Variants in MOG observed in about 807,000 individuals in gnomAD.
MOG encodes myelin-oligodendrocyte glycoprotein.
A neutral mutation model predicts 35.9 loss-of-function variants in MOG; 20 were observed. That is an observed-to-expected ratio of 0.56 (90% CI 0.39 to 0.81). The LOEUF (loss-of-function observed/expected upper bound fraction) is 0.81, where lower values mean the gene tolerates loss of function less well. Ranked by LOEUF, MOG falls within the 30% of genes least tolerant of loss-of-function variation. The pLI is 0.00. For synonymous variants in MOG, 92 were observed against 114.3 expected (o/e 0.80, Z 1.25); for missense variants, 251 against 301.0 (o/e 0.83, Z 1.23).
rs1771411782 is a variant in MOG, at chr6:29,671,304, A to G, written c.*119A>G. On this transcript the variant is annotated 3_prime_UTR_variant, in exon 8 of 8. Transcript: ENST00000376917. ...GCATCTTTGCTATGGGGACATTCCA[A>G]TTTGCACTTTCAGGAACACTCTGAA... 13 of 1,611,730 alleles carry G rather than the reference A, an allele frequency of 8.1e-6. No individual in the cohort carries two copies. Among genetic ancestry groups the G allele is most frequent in the Non-Finnish European group, 1.1e-5 (13 of 1,179,974 alleles).
chr6:29,670,660 C>T lies in MOG; in HGVS notation c.710-41C>T. On this transcript the variant is annotated intron_variant, in intron 6 of 7. Transcript: ENST00000376917. This position sits in a 1 kb window ranked among gnomAD's most constrained non-coding sequence, Gnocchi z 4.2. ...GGGAGGATGTGGGGAAGGTGCTATT[C>T]ATCTTCCACTAATCACATATTTGTT... 1 of 1,609,592 alleles carries T rather than the reference C, an allele frequency of 6.2e-7. No individual in the cohort carries two copies. The highest frequency in any genetic ancestry group is 8.5e-7 in the Non-Finnish European group (1 of 1,178,206).
At chr6:29,660,660 T>C (rs3135050) in intron 2 of MOG, among the ~76,000 whole-genome samples, 129,581 of 147,944 alleles carry the variant, frequency 0.88, 57,222 homozygotes, top group East Asian at 0.98. Context: ...GAGATGTCAC[T>C]TTTTGGCTGT....
At position 29,670,765 on chromosome 6, in the gene MOG, G is replaced by T; in HGVS notation, c.730+44G>T. The T allele has an allele frequency of 1.2e-6, 2 of 1,608,736 alleles. No individual in the cohort carries two copies. The highest frequency in any genetic ancestry group is 8.5e-7 in the Non-Finnish European group (1 of 1,177,764). The stretch of plus-strand genomic sequence containing the variant: ...GTTATAAGCAGAGAATAAAAAGCCA[G>T]GAAAGGGAGACAGAAGCAACAAGAG... On this transcript the variant is annotated intron_variant, in intron 7 of 7. Transcript: ENST00000376917. The surrounding 1 kb of genome is among the most constrained non-coding windows in gnomAD (Gnocchi z 4.2).
intron 1 of MOG, among the ~76,000 whole-genome samples, chr6:29,657,577 T>C (rs1356271218): frequency 6.6e-6 from 1 of 151,180 alleles, no homozygotes; most frequent in East Asian, 1.9e-4. Context: ...TCAGCCTCCC[T>C]GGTTCAAGCG....
At chr6:29,667,712 G>C (rs377202409) in intron 4 of MOG, 49 bp downstream of exon 4, 37 of 1,611,182 alleles carry the variant, frequency 2.3e-5, no homozygotes, top group Non-Finnish European at 3.1e-5. Context: ...TGGTTTTTTG[G>C]CATAACGGAA....
At position 29,670,235 on chromosome 6, in the gene MOG, G is replaced by T; in HGVS notation, c.593-46G>T. ...CAAAAAAGACAGGTGGGTGGGGCAT[G>T]AGGGGGAACACATGTTAACCCTGTT... On this transcript the variant is annotated intron_variant, in intron 5 of 7. Coordinates refer to ENST00000376917, the MANE Select transcript of MOG (RefSeq NM_206809.4). This position sits in a 1 kb window ranked among gnomAD's most constrained non-coding sequence, Gnocchi z 4.2. The T allele has an allele frequency of 6.2e-7, 1 of 1,614,220 alleles. No individual in the cohort carries two copies. Among genetic ancestry groups the T allele is most frequent in the Non-Finnish European group, 8.5e-7 (1 of 1,180,048 alleles).
chr6:29,663,045 G>A (rs781372473), intron 2 of MOG, among the ~76,000 whole-genome samples: 11 of 152,158 alleles, frequency 7.2e-5, no homozygotes, highest in Admixed American at 3.3e-4. Context: ...CAAGGAGGGC[G>A]AATCATGAGG....
intron 2 of MOG, among the ~76,000 whole-genome samples, chr6:29,663,746 A>C (rs1386713393): frequency 6.6e-6 from 1 of 152,154 alleles, no homozygotes; most frequent in Non-Finnish European, 1.5e-5. Flanking sequence ...TGGGAGAAAA[A>C]AACCCTTAAG....
Position 29,671,371 on chromosome 6 carries a change from T to G in MOG, c.*186T>G. 1 of 1,612,464 alleles carries G rather than the reference T, an allele frequency of 6.2e-7. No individual in the cohort carries two copies. Among genetic ancestry groups the G allele is most frequent in the Non-Finnish European group, 8.5e-7 (1 of 1,179,714 alleles). On this transcript the variant is annotated 3_prime_UTR_variant, in exon 8 of 8. Coordinates refer to ENST00000376917, the MANE Select transcript of MOG (RefSeq NM_206809.4). The stretch of plus-strand genomic sequence containing the variant: ...TTTCCCTTCTTCTGTCATCTACCTT[T>G]TCTCTTCATTTTCCCATTTTTATTA...
In MOG at chr6:29,670,497, G is replaced by C; in HGVS notation, c.709+100G>C. On this transcript the variant is annotated intron_variant, in intron 6 of 7. Coordinates refer to ENST00000376917, the MANE Select transcript of MOG (RefSeq NM_206809.4). This position sits in a 1 kb window ranked among gnomAD's most constrained non-coding sequence, Gnocchi z 4.2. ...AGAATAGAACCAGGACTCAAGATTAGGGGAGCTGGGATTTCCTTATTCCTC... is the reference window on the plus strand; with the variant it reads ...AGAATAGAACCAGGACTCAAGATTACGGGAGCTGGGATTTCCTTATTCCTC... 6.7e-7 allele frequency: 1 copy of C among 1,496,502 alleles called. No individual in the cohort carries two copies. Among genetic ancestry groups the C allele is most frequent in the South Asian group, 1.1e-5 (1 of 88,596 alleles). The allele number at this position is 1,496,502 out of a possible 1,614,324, so 92.7% of individuals were successfully genotyped here. A position where few individuals can be genotyped will look rare whatever the true frequency, so the allele number is the denominator to read the frequency against.
At position 29,667,718 on chromosome 6, in the gene MOG, C is replaced by T. The variant is rs112646838; in HGVS notation, c.571+55C>T. 7.6e-4 allele frequency: 1,222 copies of T among 1,605,470 alleles called. 9 individuals are homozygous for T. In the African/African-American group the frequency reaches 0.011, roughly 14 times the overall value. On this transcript the variant is annotated intron_variant, in intron 4 of 7. Transcript: ENST00000376917. ...CTTGCCTTTTGGTTTTTTGGCATAACGGAAATGGTCCCGTTCTTGGACCGT... is the reference window on the plus strand; with the variant it reads ...CTTGCCTTTTGGTTTTTTGGCATAATGGAAATGGTCCCGTTCTTGGACCGT...
rs1267258267 is a variant in MOG at position 29,662,867 on chromosome 6, T to C, written c.436+3201T>C. 6.6e-6 allele frequency among the ~76,000 whole-genome samples: 1 copy of C among 152,110 alleles called. No individual in the cohort carries two copies. Among genetic ancestry groups the C allele is most frequent in the African/African-American group, 2.4e-5 (1 of 41,422 alleles). Reference sequence around the variant, plus strand: ...TTGTAGAGACTGGGTTTTACCATGTTGATCAGGCTGGTCTCAAACTCCTAG... The same window carrying C: ...TTGTAGAGACTGGGTTTTACCATGTCGATCAGGCTGGTCTCAAACTCCTAG... On this transcript the variant is annotated intron_variant, in intron 2 of 7. Coordinates refer to ENST00000376917, the MANE Select transcript of MOG (RefSeq NM_206809.4). The surrounding 1 kb of genome is among the most constrained non-coding windows in gnomAD (Gnocchi z 4.2).
At chr6:29,657,358 GGGGC>G in intron 1 of MOG, 61 bp downstream of exon 1, 1 of 1,254,182 alleles carries the variant, frequency 8.0e-7, no homozygotes, top group Non-Finnish European at 1.1e-6. Context: ...CTAGTTTCCT[GGGGC>G]TTAGCTCCTT....
intron 5 of MOG, among the ~76,000 whole-genome samples, chr6:29,669,535 C>T (rs569081889): frequency 6.6e-6 from 1 of 152,176 alleles, no homozygotes; most frequent in East Asian, 1.9e-4. Flanking sequence ...AGGTGATCTG[C>T]CTGCCTTGGC....
chr6:29,660,587 C>CAA (rs199895559), intron 2 of MOG, among the ~76,000 whole-genome samples: 4,953 of 147,652 alleles, frequency 0.034, 158 homozygotes, highest in African/African-American at 0.079. Flanking sequence ...CACACACACA[C>CAA]ACCTGTGCTT....
Position 29,671,518 on chromosome 6 carries a change from G to A in MOG, c.*333G>A. On this transcript the variant is annotated 3_prime_UTR_variant, in exon 8 of 8. Transcript: ENST00000376917. ...TGGAGAGCAACACAGGATGGTCTCT[G>A]CCATGAACTGGAGGCCAGGAATCTC... is the stretch of plus-strand genomic sequence containing the variant. The A allele has an allele frequency of 9.4e-7, 1 of 1,063,174 alleles. No homozygotes were observed. Among genetic ancestry groups the A allele is most frequent in the Admixed American group, 1.7e-5 (1 of 59,220 alleles). The allele number at this position is 1,063,174 out of a possible 1,614,324, so 65.9% of individuals were successfully genotyped here.
chr6:29,657,282 T>A lies in MOG; in HGVS notation c.73T>A (p.Ser25Thr). 1 of 1,601,460 alleles carries A rather than the reference T, an allele frequency of 6.2e-7. No homozygotes were observed. The highest frequency in any genetic ancestry group is 8.5e-7 in the Non-Finnish European group (1 of 1,173,830). ...SFLLLLLLQV[S>T]SSYAGQFRVI... ...CCTCCTCCTCCTCCTCCTCCAAGTG[T>A]CTTCCAGCTATGCAGGTAAGACATG... The change falls in exon 1 of 8, where the codon TCT (serine) becomes ACT (threonine). Residue 25 changes from serine to threonine, a missense_variant. Physicochemically the swap from Ser to Thr is moderately conservative, Grantham distance 58. Coordinates refer to ENST00000376917, the MANE Select transcript of MOG (RefSeq NM_206809.4).
At position 29,672,289 on chromosome 6, in the gene MOG, A is replaced by AAAATAAAT. The variant is rs200245124; in HGVS notation, c.*1144_*1151dup. 0.1 allele frequency: 17,530 copies of AAAATAAAT among 167,854 alleles called. 1,112 individuals carry two copies. The highest frequency in any genetic ancestry group is 0.13 in the Non-Finnish European group (11,140 of 86,458). 10.4% of individuals were successfully genotyped at this position (167,854 alleles called of 1,614,324 possible). A position where few individuals can be genotyped will look rare whatever the true frequency, so the allele number is the denominator to read the frequency against. Reference sequence around the variant, plus strand: ...AGTGACAGAGTAAGACTCTGTCTCAAAAATAAATAAATAAATAAATAAATA... The same window carrying AAAATAAAT: ...AGTGACAGAGTAAGACTCTGTCTCAAAAATAAATAAATAAATAAATAAATAAATAAATA... On this transcript the variant is annotated 3_prime_UTR_variant, in exon 8 of 8. Transcript: ENST00000376917.
intron 5 of MOG, among the ~76,000 whole-genome samples, chr6:29,669,793 A>G (rs531368996): frequency 3.9e-5 from 6 of 152,020 alleles, no homozygotes; most frequent in African/African-American, 1.4e-4. Context: ...TGGGATCAAC[A>G]AGAGTCTTGC....
Sources: allele counts gnomAD v4.1 joint callset (sites outside exome capture counted in the v4.1 genomes callset), GRCh38; gene constraint gnomAD v4.1.1; non-coding constraint Gnocchi (gnomAD v3.1); transcripts MANE v1.5; gene names NCBI Gene and HGNC (gene_info 2026-07-23, HGNC 2026-07-21).